The following NTRK1 variants were observed in gnomAD, a reference collection of about 807,000 sequenced individuals.
The protein encoded by NTRK1 is neurotrophic receptor tyrosine kinase 1, also known as high affinity nerve growth factor receptor.
In NTRK1, 62 loss-of-function variants were observed where a neutral mutation model predicts 86.8. The ratio of observed to expected loss-of-function variants is 0.71; its 90% CI spans 0.58 to 0.88. The LOEUF (loss-of-function observed/expected upper bound fraction) is 0.88. Among genes scored for constraint, NTRK1 ranks in the 40% least tolerant of loss-of-function variants. NTRK1 has a pLI of 0.00. For missense variants in NTRK1, 967 were observed against 1,078.4 expected, an observed-to-expected ratio of 0.90 and a Z score of 1.45; for synonymous variants, 469 against 456.6, an observed-to-expected ratio of 1.03 and a Z score of -0.35.
At chr1:156,844,489 T>C in intron 2 of NTRK1, 1 of 1,614,072 alleles carries the variant, frequency 6.2e-7, no homozygotes. Context: ...AAGGCAACAC[T>C]GTCTGTCCAA....
intron 1 of NTRK1, among the ~76,000 whole-genome samples, chr1:156,822,305 CT>C (rs937088420): frequency 1.3e-5 from 2 of 152,144 alleles, no homozygotes; most frequent in African/African-American, 4.8e-5. Context: ...ACAGGGTCCC[CT>C]TCAAGATGGT....
chr1:156,860,066 G>C (rs1040018640), upstream of NTRK1, among the ~76,000 whole-genome samples: 2 of 152,236 alleles, frequency 1.3e-5, no homozygotes, highest in African/African-American at 4.8e-5. Context: ...CGAATAAATC[G>C]ATGCTCTTGT....
intron 1 of NTRK1, among the ~76,000 whole-genome samples, chr1:156,817,913 G>T (rs1003724869): frequency 6.6e-6 from 1 of 152,162 alleles, no homozygotes; most frequent in African/African-American, 2.4e-5. Context: ...AAAGTGTTGG[G>T]ATTACAGGCG....
chr1:156,839,399 G>A (rs1025101771), intron 1 of NTRK1, among the ~76,000 whole-genome samples: 1 of 152,236 alleles, frequency 6.6e-6, no homozygotes, highest in Non-Finnish European at 1.5e-5. Flanking sequence ...AGCCCCTCCC[G>A]CTGCCACCCC....
In NTRK1 at chr1:156,864,341, G is replaced by A. The variant is rs745681112; in HGVS notation, c.213-13G>A. The A allele has an allele frequency of 3.4e-5, 55 of 1,613,810 alleles. No individual in the cohort carries two copies. Among genetic ancestry groups the A allele is most frequent in the Non-Finnish European group, 4.2e-5 (50 of 1,179,876 alleles). The stretch of plus-strand genomic sequence containing the variant: ...GGCCTGAGCCCTGTGACTCCCATCC[G>A]CTCTCCCCACAGCTACATCGAGAAC... On this transcript the variant is annotated splice_polypyrimidine_tract_variant and intron_variant, in intron 1 of 16. Coordinates refer to ENST00000524377, the MANE Select transcript of NTRK1 (RefSeq NM_002529.4).
In NTRK1 at chr1:156,864,952, C is replaced by A. The variant is rs1655857693; in HGVS notation, c.359+153C>A. 3 of 755,618 alleles carry A rather than the reference C, an allele frequency of 4.0e-6. No homozygotes were observed. The Admixed American group carries it at 6.1e-5, about 15-fold the overall frequency. The allele number at this position is 755,618 out of a possible 1,614,324, so 46.8% of individuals were successfully genotyped here. A position where few individuals can be genotyped will look rare whatever the true frequency, so the allele number is the denominator to read the frequency against. On this transcript the variant is annotated intron_variant, in intron 3 of 16. Transcript: ENST00000524377. ...CCATTCTCCTGGGGCTTCCTCCCAT[C>A]TCCCTCAGGGATGGCATGCTCTCGC...
intron 1 of NTRK1, chr1:156,816,035 T>G (rs997762437): frequency 1.9e-6 from 3 of 1,614,076 alleles, no homozygotes; most frequent in Admixed American, 3.3e-5. Flanking sequence ...TGGCAGCTCC[T>G]GCGGGTCATG....
At chr1:156,879,758 A>C (rs1281133072) in intron 15 of NTRK1, among the ~76,000 whole-genome samples, 1 of 152,058 alleles carries the variant, frequency 6.6e-6, no homozygotes, top group East Asian at 1.9e-4. Flanking sequence ...TACAGGCCAC[A>C]CGCCATCACG....
At chr1:156,840,878 G>A (rs765489135) in intron 1 of NTRK1, 1 of 1,610,482 alleles carries the variant, frequency 6.2e-7, no homozygotes, top group Admixed American at 1.7e-5. Context: ...GCCCCTCAGT[G>A]CCCTGGACCC....
At position 156,854,197 on chromosome 1, in the gene NTRK1, G is replaced by A. The variant is rs899624489; in HGVS notation, c.51-10157G>A. The A allele has an allele frequency of 1.7e-5, 27 of 1,613,924 alleles. No individual in the cohort carries two copies. The highest frequency in any genetic ancestry group is 5.0e-5 in the Admixed American group (3 of 60,006). On this transcript the variant is annotated intron_variant, in intron 2 of 16. Coordinates refer to the NTRK1 transcript ENST00000392302. This position sits in a 1 kb window ranked among gnomAD's most constrained non-coding sequence, Gnocchi z 4.2. Reference sequence around the variant, plus strand: ...AGCTGAGGCCGCGGAAGTCCTCCCCGGTGGCTGTGAACATGAGCAGGATCT... The same window carrying A: ...AGCTGAGGCCGCGGAAGTCCTCCCCAGTGGCTGTGAACATGAGCAGGATCT...
chr1:156,866,668 G>A (rs1339642013), intron 3 of NTRK1, among the ~76,000 whole-genome samples: 3 of 152,298 alleles, frequency 2.0e-5, no homozygotes, highest in Admixed American at 2.0e-4. Flanking sequence ...CTGGGGTCTG[G>A]AGAGGGGGTT....
In NTRK1 at chr1:156,845,155, G is replaced by A. The variant is rs114857053; in HGVS notation, c.50+2962G>A. 4.3e-5 allele frequency: 70 copies of A among 1,611,714 alleles called. No homozygotes were observed. The African/African-American group carries it at 8.3e-4, about 19-fold the overall frequency. On this transcript the variant is annotated intron_variant, in intron 2 of 16. Coordinates refer to the NTRK1 transcript ENST00000392302. ...GCGCCGCGTGGTTGCAGGCATGGAT[G>A]TCGATCCGGTATTCCGTGAAGTGGC...
At chr1:156,857,921 C>G (rs546886363), upstream of NTRK1, among the ~76,000 whole-genome samples, 2 of 152,312 alleles carry the variant, frequency 1.3e-5, no homozygotes, top group East Asian at 1.9e-4. Flanking sequence ...ATAGTCCCCC[C>G]ACCCCTCCTC....
intron 2 of NTRK1, chr1:156,845,945 T>G: frequency 6.2e-7 from 1 of 1,610,640 alleles, no homozygotes; most frequent in Non-Finnish European, 8.5e-7. Context: ...GCGTCGTCCC[T>G]GCGCACCGCG....
intron 2 of NTRK1, chr1:156,852,025 C>A (rs1303152402): frequency 1.2e-6 from 2 of 1,613,498 alleles, no homozygotes; most frequent in East Asian, 2.2e-5. Context: ...AGGACTCATA[C>A]TGGTAGGTGC....
At position 156,868,486 on chromosome 1, in the gene NTRK1, G is replaced by A. The variant is rs370828525; in HGVS notation, c.575-19G>A. The A allele has an allele frequency of 1.6e-5, 25 of 1,553,760 alleles. No homozygotes were observed. The highest frequency in any genetic ancestry group is 9.6e-5 in the African/African-American group (7 of 73,230). ...CCAGCTCTAACACCCCTTGGCCCTC[G>A]GGCGTCCTGGGTGGCCAGGTGTGCC... On this transcript the variant is annotated intron_variant, in intron 5 of 16. Coordinates refer to ENST00000524377, the MANE Select transcript of NTRK1 (RefSeq NM_002529.4).
At chr1:156,840,476 T>C (rs950198537) in intron 1 of NTRK1, 1 of 167,136 alleles carries the variant, frequency 6.0e-6, no homozygotes, top group Admixed American at 6.6e-5. Flanking sequence ...CAGGCCTGCT[T>C]CTGATTGCTC....
chr1:156,834,856 G>C (rs1258496388), intron 1 of NTRK1, among the ~76,000 whole-genome samples: 2 of 152,070 alleles, frequency 1.3e-5, no homozygotes, highest in Non-Finnish European at 2.9e-5. Flanking sequence ...AAGGAGAGTG[G>C]GAGCCCAGTG....
rs771436441 is a variant in NTRK1, at chr1:156,879,111, C to G, written c.1806-11C>G. Reference sequence around the variant, plus strand: ...CTCCCAGCCTATCCCCTCTCCTTTTCTTGTTCACAGATCCCATGGACCTGA... The same window carrying G: ...CTCCCAGCCTATCCCCTCTCCTTTTGTTGTTCACAGATCCCATGGACCTGA... On this transcript the variant is annotated splice_polypyrimidine_tract_variant and intron_variant, in intron 14 of 16. Transcript: ENST00000524377. 3.5e-5 allele frequency: 57 copies of G among 1,612,058 alleles called. 2 individuals are homozygous for G. The South Asian group carries it at 5.3e-4, about 15-fold the overall frequency.
Sources: allele counts gnomAD v4.1 joint callset (sites outside exome capture counted in the v4.1 genomes callset), GRCh38; gene constraint gnomAD v4.1.1; non-coding constraint Gnocchi (gnomAD v3.1); transcripts MANE v1.5; gene names NCBI Gene and HGNC (gene_info 2026-07-23, HGNC 2026-07-21).